Variants in NRDC observed in about 807,000 individuals in gnomAD.
NRDC encodes nardilysin convertase.
A neutral mutation model predicts 147.1 loss-of-function variants in NRDC; 54 were observed. The observed-to-expected ratio is 0.37, with a 90% CI of 0.29 to 0.46. The LOEUF (loss-of-function observed/expected upper bound fraction) is 0.46, where lower values mean the gene tolerates loss of function less well. NRDC is among the 20% of genes least tolerant of loss of function. The pLI is 1.00. For missense variants in NRDC, 1,082 were observed against 1,370.6 expected, an observed-to-expected ratio of 0.79 and a Z score of 3.33; for synonymous variants, 440 against 482.1, an observed-to-expected ratio of 0.91 and a Z score of 1.14.
At position 51,878,470 on chromosome 1, in the gene NRDC, G is replaced by A. The variant is rs1571936532; in HGVS notation, c.146C>T (p.Ala49Val). Reference sequence around the variant, plus strand: ...CTTCGCCTTGTTCCTTCCAGGCATGGCCAGAATAGGAAAGGGTCTGGCAGC... The same window carrying A: ...CTTCGCCTTGTTCCTTCCAGGCATGACCAGAATAGGAAAGGGTCTGGCAGC... ...SAAARPFPIL[A>V]MPGRNKAKST... Residue 49 changes from alanine to valine, a missense_variant, in exon 1 of 31, where the codon GCC (alanine) becomes GTC (valine). Ala to Val is a moderately conservative substitution (Grantham distance 64). Coordinates refer to ENST00000352171, the MANE Select transcript of NRDC (RefSeq NM_001101662.2). 6 of 1,613,910 alleles carry A rather than the reference G, an allele frequency of 3.7e-6. No individual in the cohort carries two copies. Among genetic ancestry groups the A allele is most frequent in the South Asian group, 1.1e-5 (1 of 91,082 alleles).
intron 27 of NRDC, among the ~76,000 whole-genome samples, chr1:51,791,357 C>T (rs151086921): frequency 2.0e-5 from 3 of 152,342 alleles, no homozygotes; most frequent in African/African-American, 7.2e-5. Flanking sequence ...GCAAGCCCCA[C>T]ACAATGACCA....
Position 51,816,354 on chromosome 1 carries a change from C to T in NRDC, c.1397G>A (p.Gly466Glu), listed in dbSNP as rs1326182529. ...KPLHYISWLV[G>E]HEGKGSILSF... ...AAGAATGCTGCCTTTGCCTTCATGT[C>T]CAACCAGCCAGGATATATAATGAAG... The change falls in exon 11 of 31, where the codon GGA (glycine) becomes GAA (glutamate). Residue 466 changes from glycine to glutamate, a missense_variant. Coordinates refer to ENST00000352171, the MANE Select transcript of NRDC (RefSeq NM_001101662.2). 4.4e-6 allele frequency: 7 copies of T among 1,600,624 alleles called. No individual in the cohort carries two copies. Among genetic ancestry groups the T allele is most frequent in the Non-Finnish European group, 6.0e-6 (7 of 1,173,288 alleles).
In NRDC at chr1:51,814,764, G is replaced by T; in HGVS notation, c.1489C>A (p.Gln497Lys). Residue 497 changes from glutamine (Q) to lysine (K), a missense_variant, in exon 12 of 31, where the codon CAA becomes AAA. By Grantham distance (53) the Gln-to-Lys change is moderately conservative. Around this residue, in one of 3 missense-constraint regions of NRDC, gnomAD observed 635 missense variants for 923.8 expected, o/e 0.69. Transcript: ENST00000352171. ...FGGNGETGFE[Q>K]NSTYSVFSIS... ...CTGAACACTGAATAAGTAGAATTTT[G>T]CTCAAATCCTGTCTCACCATTTCCA... The T allele has an allele frequency of 6.2e-7, 1 of 1,611,206 alleles. No individual in the cohort carries two copies. Among genetic ancestry groups the T allele is most frequent in the Non-Finnish European group, 8.5e-7 (1 of 1,179,066 alleles).
chr1:51,790,620 A>C lies in NRDC; in HGVS notation c.3081T>G (p.Cys1027Trp). 6.2e-7 allele frequency: 1 copy of C among 1,613,820 alleles called. No homozygotes were observed. Among genetic ancestry groups the C allele is most frequent in the Non-Finnish European group, 8.5e-7 (1 of 1,179,742 alleles). Reference sequence around the variant, plus strand: ...CCTCCTCCCCAAGGTGGGTATCCTCACACTCCTTCAGCTTGATGAGAGCTG... The same window carrying C: ...CCTCCTCCCCAAGGTGGGTATCCTCCCACTCCTTCAGCTTGATGAGAGCTG... ...QVTALIKLKE[C>W]EDTHLGEEVD... The change falls in exon 29 of 31, where the codon TGT (cysteine) becomes TGG (tryptophan). Residue 1027 changes from cysteine to tryptophan, a missense_variant. By Grantham distance (215) the Cys-to-Trp change is radical. Coordinates refer to ENST00000352171, the MANE Select transcript of NRDC (RefSeq NM_001101662.2).
Position 51,790,621 on chromosome 1 carries a change from C to G in NRDC, c.3080G>C (p.Cys1027Ser). The change falls in exon 29 of 31, where the codon TGT (cysteine) becomes TCT (serine). Residue 1027 changes from cysteine (C) to serine (S), a missense_variant. Cys to Ser is a moderately radical substitution (Grantham distance 112, BLOSUM62 -1). Around this residue, in one of 3 missense-constraint regions of NRDC, gnomAD observed 187 missense variants for 193.6 expected, o/e 0.97. Coordinates refer to ENST00000352171, the MANE Select transcript of NRDC (RefSeq NM_001101662.2). ...CTCCTCCCCAAGGTGGGTATCCTCA[C>G]ACTCCTTCAGCTTGATGAGAGCTGT... ...QVTALIKLKE[C>S]EDTHLGEEVD... The G allele has an allele frequency of 6.2e-7, 1 of 1,613,874 alleles. No homozygotes were observed. The highest frequency in any genetic ancestry group is 8.5e-7 in the Non-Finnish European group (1 of 1,179,776).
chr1:51,845,030 C>T (rs1047040194), intron 1 of NRDC, among the ~76,000 whole-genome samples: 1 of 152,136 alleles, frequency 6.6e-6, no homozygotes, highest in African/African-American at 2.4e-5. Flanking sequence ...TCATTGGCTT[C>T]CCATCATACT....
At chr1:51,803,548 G>GGT (rs1298422523) in intron 20 of NRDC, among the ~76,000 whole-genome samples, 13 of 151,728 alleles carry the variant, frequency 8.6e-5, no homozygotes, top group African/African-American at 3.1e-4. Context: ...TGCCAGTGTT[G>GGT]GTTGTGGAGA....
chr1:51,817,350 T>G (rs1680018938), intron 10 of NRDC, among the ~76,000 whole-genome samples: 1 of 150,500 alleles, frequency 6.6e-6, no homozygotes, highest in Admixed American at 6.6e-5. Flanking sequence ...TGATTAGCAT[T>G]TATTTCTAAC....
At chr1:51,791,080 G>A in intron 27 of NRDC, 90 bp from the exon 28 acceptor site, 1 of 878,780 alleles carries the variant, frequency 1.1e-6, no homozygotes, top group Non-Finnish European at 1.8e-6. Flanking sequence ...GCAAAAGAAG[G>A]AATTAAGACT....
At position 51,790,786 on chromosome 1, in the gene NRDC, G is replaced by T. The variant is rs369731877; in HGVS notation, c.3051+114C>A. 1.3e-5 allele frequency: 13 copies of T among 971,756 alleles called. No individual in the cohort carries two copies. The East Asian group carries it at 2.9e-4, about 22-fold the overall frequency. The allele number at this position is 971,756 out of a possible 1,614,324, so 60.2% of individuals were successfully genotyped here. Reference sequence around the variant, plus strand: ...CGGATGAAGCTAGGGAGACACTATTGTAAGAGGAAGGTGGGGCTGCAAAGC... The same window carrying T: ...CGGATGAAGCTAGGGAGACACTATTTTAAGAGGAAGGTGGGGCTGCAAAGC... On this transcript the variant is annotated intron_variant, in intron 28 of 30. Transcript: ENST00000352171.
intron 13 of NRDC, 99 bp from the exon 14 acceptor site, chr1:51,814,188 T>A (rs1226186965): frequency 2.7e-6 from 2 of 744,028 alleles, no homozygotes; most frequent in Non-Finnish European, 4.7e-6. Flanking sequence ...AGGTAACTAT[T>A]GGGTAGTAGG....
chr1:51,804,023 A>G (rs193056447), intron 19 of NRDC, 59 bp from the exon 20 acceptor site: 1 of 1,430,544 alleles, frequency 7.0e-7, no homozygotes, highest in African/African-American at 1.4e-5. Flanking sequence ...CATGAAATAG[A>G]TTTGCTTCAA....
Position 51,803,942 on chromosome 1 carries a change from C to T in NRDC, c.2185G>A (p.Val729Ile). Residue 729 changes from valine to isoleucine, a missense_variant, in exon 20 of 31, where the codon GTC (valine) becomes ATC (isoleucine). Around this residue, in one of 3 missense-constraint regions of NRDC, gnomAD observed 635 missense variants for 923.8 expected, o/e 0.69. Coordinates refer to ENST00000352171, the MANE Select transcript of NRDC (RefSeq NM_001101662.2). ...GCAAGGTTATGCGTAAGGATATTGACAAAGATATCAAAGAGGACCACACTA... is the reference window on the plus strand; with the variant it reads ...GCAAGGTTATGCGTAAGGATATTGATAAAGATATCAAAGAGGACCACACTA... ...AANVVLFDIF[V>I]NILTHNLAEP... 1 of 1,604,144 alleles carries T rather than the reference C, an allele frequency of 6.2e-7. No homozygotes were observed. Among genetic ancestry groups the T allele is most frequent in the South Asian group, 1.1e-5 (1 of 88,874 alleles).
At chr1:51,838,384 T>A (rs1681091128) in intron 2 of NRDC, among the ~76,000 whole-genome samples, 1 of 152,216 alleles carries the variant, frequency 6.6e-6, no homozygotes, top group Non-Finnish European at 1.5e-5. Flanking sequence ...AATTGCTGTA[T>A]AAATCTAAAG....
At chr1:51,798,439 C>G (rs774620675) in intron 21 of NRDC, 28 bp from the exon 22 acceptor site, 2 of 1,547,906 alleles carry the variant, frequency 1.3e-6, no homozygotes, top group South Asian at 2.4e-5. Context: ...AAAAAACACT[C>G]AAAGTTTTGT....
intron 1 of NRDC, among the ~76,000 whole-genome samples, chr1:51,847,312 T>C (rs993610238): frequency 1.3e-5 from 2 of 152,348 alleles, no homozygotes; most frequent in African/African-American, 4.8e-5. Flanking sequence ...CCCAGCTGGC[T>C]TCACCCAGTG....
At chr1:51,825,769 T>G (rs1222429405) in intron 5 of NRDC, among the ~76,000 whole-genome samples, 1 of 152,204 alleles carries the variant, frequency 6.6e-6, no homozygotes, top group Non-Finnish European at 1.5e-5. Context: ...CCAACTATGT[T>G]GGTAATAAAG....
intron 17 of NRDC, 26 bp downstream of exon 17, chr1:51,809,289 T>C (rs766758012): frequency 2.0e-6 from 3 of 1,466,512 alleles, no homozygotes; most frequent in South Asian, 1.1e-5. Context: ...GGATGGATTA[T>C]GTATAAAAAT....
At chr1:51,848,317 T>C (rs1007782907) in intron 1 of NRDC, among the ~76,000 whole-genome samples, 3 of 151,830 alleles carry the variant, frequency 2.0e-5, no homozygotes, top group Non-Finnish European at 2.9e-5. Context: ...CTACTAAAAA[T>C]ACAAAAAAAG....
Sources: allele counts gnomAD v4.1 joint callset (sites outside exome capture counted in the v4.1 genomes callset), GRCh38; gene constraint gnomAD v4.1.1; regional missense constraint gnomAD v4.1.1; transcripts MANE v1.5; gene names NCBI Gene and HGNC (gene_info 2026-07-23, HGNC 2026-07-21).